Variants in SHISA9 observed in about 807,000 individuals in gnomAD.
SHISA9 encodes protein shisa-9.
SHISA9 carries 13 observed loss-of-function variants against 38.0 expected under a neutral mutation model. That is an observed-to-expected ratio of 0.34 (90% CI 0.22 to 0.54). SHISA9 has a LOEUF of 0.54. SHISA9 is among the 20% of genes least tolerant of loss of function. The probability of loss-of-function intolerance (pLI) is 0.91; values close to 1 mark genes in which losing one functional copy is unlikely to be tolerated. For synonymous variants in SHISA9, 275 were observed against 242.0 expected (o/e 1.14, Z -1.27); for missense variants, 538 against 575.8 (o/e 0.93, Z 0.67).
the SHISA9 span, among the ~76,000 whole-genome samples, chr16:13,430,883 C>T: frequency 2.0e-5 from 3 of 149,812 alleles, no homozygotes; most frequent in Admixed American, 1.3e-4. Flanking sequence ...TGTGTCACTG[C>T]ACTCCATCCT....
intron 2 of SHISA9, among the ~76,000 whole-genome samples, chr16:13,059,433 A>T (rs2073349296): frequency 6.6e-6 from 1 of 152,080 alleles, no homozygotes; most frequent in African/African-American, 2.4e-5. Context: ...GGCCTATCAG[A>T]TAGACTATTT....
chr16:13,140,178 T>A, intron 2 of SHISA9, among the ~76,000 whole-genome samples: 1 of 99,956 alleles, frequency 1.0e-5, no homozygotes, highest in East Asian at 3.8e-4. Context: ...CCCCTCCCCT[T>A]CCCTTCCCTT....
the SHISA9 span, among the ~76,000 whole-genome samples, chr16:13,417,237 C>T: frequency 3.9e-5 from 6 of 152,128 alleles, no homozygotes; most frequent in Admixed American, 3.9e-4. Context: ...TGGTTGGCAC[C>T]CGCAAAAGGA....
At chr16:13,479,117 T>C in the SHISA9 span, among the ~76,000 whole-genome samples, 60,639 of 152,022 alleles carry the variant, frequency 0.4, 12,658 homozygotes, top group African/African-American at 0.53. Flanking sequence ...AACAGCTGCT[T>C]ATATTCCTCG....
chr16:13,091,809 G>C (rs1263004517), intron 2 of SHISA9, among the ~76,000 whole-genome samples: 1 of 152,176 alleles, frequency 6.6e-6, no homozygotes, highest in African/African-American at 2.4e-5. Context: ...CTGTCAACTT[G>C]TCAAAGTCAT....
intron 2 of SHISA9, among the ~76,000 whole-genome samples, chr16:12,941,407 A>G (rs893777754): frequency 2.0e-5 from 3 of 152,168 alleles, no homozygotes; most frequent in African/African-American, 7.2e-5. Flanking sequence ...AGTTGCATAT[A>G]TTTGTGGGGT....
chr16:13,393,685 G>T, the SHISA9 span, among the ~76,000 whole-genome samples: 1 of 151,878 alleles, frequency 6.6e-6, no homozygotes, highest in Non-Finnish European at 1.5e-5. Context: ...GACTGTGTGA[G>T]CCTTGGCTTA....
the SHISA9 span, among the ~76,000 whole-genome samples, chr16:13,556,847 A>C: frequency 6.6e-6 from 1 of 152,204 alleles, no homozygotes; most frequent in African/African-American, 2.4e-5. Context: ...CTTGTGTAGC[A>C]TTTACATTGT....
chr16:13,224,440 T>C (rs1241074454), intron 4 of SHISA9, among the ~76,000 whole-genome samples: 1 of 152,234 alleles, frequency 6.6e-6, no homozygotes, highest in East Asian at 1.9e-4. Context: ...TCTTCGGTGA[T>C]ACAGACTGAA....
chr16:12,981,285 C>T (rs915265564), intron 2 of SHISA9, among the ~76,000 whole-genome samples: 10 of 152,174 alleles, frequency 6.6e-5, no homozygotes, highest in African/African-American at 1.4e-4. Context: ...TTTACCCAGC[C>T]CTGATTTTAT....
the SHISA9 span, among the ~76,000 whole-genome samples, chr16:13,420,731 C>A: frequency 6.6e-6 from 1 of 152,188 alleles, no homozygotes; most frequent in Non-Finnish European, 1.5e-5. Context: ...GGAGGGCTGA[C>A]TGGGAGCCCA....
At chr16:12,979,954 G>C (rs1417270746) in intron 2 of SHISA9, among the ~76,000 whole-genome samples, 2 of 151,992 alleles carry the variant, frequency 1.3e-5, no homozygotes, top group Admixed American at 6.6e-5. Flanking sequence ...AAATCTCCTG[G>C]GGATCATATT....
At chr16:13,492,019 G>C in the SHISA9 span, among the ~76,000 whole-genome samples, 1 of 150,976 alleles carries the variant, frequency 6.6e-6, no homozygotes, top group African/African-American at 2.4e-5. Flanking sequence ...CTTTTGAATA[G>C]AAGTATCTGC....
At chr16:13,550,806 G>A in the SHISA9 span, among the ~76,000 whole-genome samples, 1 of 152,178 alleles carries the variant, frequency 6.6e-6, no homozygotes, top group Non-Finnish European at 1.5e-5. Flanking sequence ...TGATTTGTGG[G>A]AAGAACACAT....
At chr16:12,992,579 A>T (rs1173045544) in intron 2 of SHISA9, among the ~76,000 whole-genome samples, 6 of 151,920 alleles carry the variant, frequency 3.9e-5, no homozygotes, top group Non-Finnish European at 8.8e-5. Flanking sequence ...AAAAATACCA[A>T]AATTGCCCCA....
At chr16:13,015,425 G>A (rs926407138) in intron 2 of SHISA9, among the ~76,000 whole-genome samples, 38 of 152,364 alleles carry the variant, frequency 2.5e-4, no homozygotes, top group African/African-American at 8.7e-4. Flanking sequence ...GCTCAAAGAT[G>A]TTAAACAATT....
At chr16:12,911,341 G>C (rs1342917765) in intron 1 of SHISA9, 4 of 985,390 alleles carry the variant, frequency 4.1e-6, no homozygotes, top group Non-Finnish European at 4.8e-6. Flanking sequence ...CACATAGTTG[G>C]TTCTTTCTAC....
chr16:13,206,178 C>T (rs1253815365), intron 3 of SHISA9, among the ~76,000 whole-genome samples: 1 of 152,090 alleles, frequency 6.6e-6, no homozygotes, highest in African/African-American at 2.4e-5. Context: ...AGTGGAATCC[C>T]ATTTATTGGT....
intron 2 of SHISA9, among the ~76,000 whole-genome samples, chr16:13,196,407 A>AAAAAAAAAG (rs59400779): frequency 6.7e-6 from 1 of 150,136 alleles, no homozygotes; most frequent in African/African-American, 2.5e-5. Flanking sequence ...AAAAAAAAAA[A>AAAAAAAAAG]AAAGAAAGAA....
Sources: allele counts gnomAD v4.1 joint callset (sites outside exome capture counted in the v4.1 genomes callset), GRCh38; gene constraint gnomAD v4.1.1; transcripts MANE v1.5; gene names NCBI Gene and HGNC (gene_info 2026-07-23, HGNC 2026-07-21).